The following CEP78 variants were observed in gnomAD, a reference collection of about 807,000 sequenced individuals.
CEP78 encodes the protein centrosomal protein of 78 kDa.
In CEP78, 76 loss-of-function variants were observed where a neutral mutation model predicts 81.2. The observed-to-expected ratio is 0.94, with a 90% CI of 0.78 to 1.13. The LOEUF (loss-of-function observed/expected upper bound fraction) is 1.13, where lower values mean the gene tolerates loss of function less well. Ranked by LOEUF, CEP78 falls within the 50% of genes most tolerant of loss-of-function variation. The pLI is 0.00. For synonymous variants in CEP78, 293 were observed against 301.4 expected (o/e 0.97, Z 0.29); for missense variants, 918 against 846.8 (o/e 1.08, Z -1.04).
rs1826618811 is a variant in CEP78 at position 78,248,780 on chromosome 9, C to G, written c.976C>G (p.Pro326Ala). 2 of 1,579,670 alleles carry G rather than the reference C, an allele frequency of 1.3e-6. No homozygotes were observed. The highest frequency in any genetic ancestry group is 1.8e-5 in the Admixed American group (1 of 55,212). ...CTTTTAGTACCAGTGGATAACTTCT[C>G]CATCAGTGAAGGAACCATCCAAAAC... The part of the protein sequence containing the change: ...AKSEYQWITS[P>A]SVKEPSKTAK... Residue 326 changes from proline (P) to alanine (A), a missense_variant, in exon 8 of 17, where the codon CCA becomes GCA. By Grantham distance (27) the Pro-to-Ala change is conservative. Coordinates refer to ENST00000643273, the MANE Select transcript of CEP78 (RefSeq NM_001330691.3).
chr9:78,252,032 A>G lies in CEP78; in HGVS notation c.1194A>G (p.Ala398=), dbSNP rs138501486. ...GFLPWRTAER[A]KRHRGFPLIK... is the part of the protein sequence containing the mutation. ...TGCCGTGGCGTACTGCAGAACGTGC[A>G]AAAAGACACAGGTAGGGTATTTTTA... The change falls in exon 9 of 17, where the codon GCA becomes GCG. Residue 398 remains alanine, a synonymous_variant. Transcript: ENST00000643273. The G allele has an allele frequency of 1.2e-3, 1,967 of 1,591,528 alleles. 3 individuals are homozygous for G. The highest frequency in any genetic ancestry group is 1.4e-3 in the Non-Finnish European group (1,663 of 1,163,804).
In CEP78 at chr9:78,256,623, T is replaced by C. The variant is rs145630345; in HGVS notation, c.1380+1659T>C. 8.7e-3 allele frequency among the ~76,000 whole-genome samples: 1,280 copies of C among 147,346 alleles called. 15 individuals carry two copies. The highest frequency in any genetic ancestry group is 0.03 in the African/African-American group (1,209 of 39,866). On this transcript the variant is annotated intron_variant, in intron 11 of 16. Coordinates refer to ENST00000643273, the MANE Select transcript of CEP78 (RefSeq NM_001330691.3). ...TCTCGGCTCACTGCAAGCTCCGCCT[T>C]CCGGGTTCACGCCATTCTCCTGCCT...
chr9:78,239,891 A>G lies in CEP78; in HGVS notation c.254-132A>G, dbSNP rs375169937. ...AGTTTGGTATATCCCATGTGGCTTG[A>G]GTTTACATGTGTCTGTGCTTAAGAG... On this transcript the variant is annotated intron_variant, in intron 1 of 16. Transcript: ENST00000643273. 16 of 682,034 alleles carry G rather than the reference A, an allele frequency of 2.3e-5. 1 individual carries two copies. The highest frequency in any genetic ancestry group is 1.5e-4 in the African/African-American group (8 of 53,924). 42.2% of individuals were successfully genotyped at this position (682,034 alleles called of 1,614,324 possible).
chr9:78,268,820 C>T (rs1236391495), intron 16 of CEP78, among the ~76,000 whole-genome samples: 1 of 151,868 alleles, frequency 6.6e-6, no homozygotes, highest in Non-Finnish European at 1.5e-5. Flanking sequence ...CCATGCCCTG[C>T]TAATTTTTTG....
chr9:78,256,542 T>A (rs1275649914), intron 11 of CEP78, among the ~76,000 whole-genome samples: 1 of 143,798 alleles, frequency 7.0e-6, no homozygotes, highest in African/African-American at 2.6e-5. Context: ...TTTTTTTTTT[T>A]TTTTTTTTGA....
chr9:78,255,821 A>T (rs1175719623), intron 11 of CEP78, among the ~76,000 whole-genome samples: 1 of 152,222 alleles, frequency 6.6e-6, no homozygotes, highest in African/African-American at 2.4e-5. Context: ...GAAAAACAAA[A>T]TCCTAGAATG....
At chr9:78,268,477 A>AT (rs1039204816) in intron 16 of CEP78, among the ~76,000 whole-genome samples, 1 of 152,180 alleles carries the variant, frequency 6.6e-6, no homozygotes, top group African/African-American at 2.4e-5. Flanking sequence ...TGGAAGTTAT[A>AT]TGCTCAGGCT....
rs1194312432 is a variant in CEP78 at position 78,266,486 on chromosome 9, C to T, written c.1890C>T (p.Asp630=). The change falls in exon 16 of 17, where the codon GAC becomes GAT. Residue 630 remains aspartate (D), a synonymous_variant. Transcript: ENST00000643273. ...ATGCTAGAATTCCTTTGCCTCTCGA[C>T]TCCTTTCCTGTCCCAGTTTCTACTC... ...TGDARIPLPL[D]SFPVPVSTPE... The T allele has an allele frequency of 1.2e-6, 2 of 1,613,238 alleles. No homozygotes were observed.
chr9:78,240,023 G>C lies in CEP78; in HGVS notation c.254G>C (p.Gly85Ala). Residue 85 changes from glycine (G) to alanine (A), a missense_variant and splice_region_variant, in exon 2 of 17, where the codon GGT becomes GCT. Physicochemically the swap from Gly to Ala is moderately conservative, Grantham distance 60. Coordinates refer to ENST00000643273, the MANE Select transcript of CEP78 (RefSeq NM_001330691.3). ...TAACTTTCTTTTATCTTTGTTTTAGGTTCTGACATGAATAAATTTTGCAGA... is the reference window on the plus strand; with the variant it reads ...TAACTTTCTTTTATCTTTGTTTTAGCTTCTGACATGAATAAATTTTGCAGA... Reference protein sequence around the residue: ...SFFQPWLGDTGSDMNKFCRSR... With the variant: ...SFFQPWLGDTASDMNKFCRSR... 2 of 1,566,212 alleles carry C rather than the reference G, an allele frequency of 1.3e-6. No homozygotes were observed. The highest frequency in any genetic ancestry group is 1.7e-6 in the Non-Finnish European group (2 of 1,164,322).
intron 12 of CEP78, 59 bp from the exon 13 acceptor site, chr9:78,264,091 A>G: frequency 8.3e-7 from 1 of 1,211,222 alleles, no homozygotes. Context: ...GTTTCATAAA[A>G]ACTATTTTGG....
rs555443378 is a variant in CEP78, at chr9:78,278,288, T to C, written c.*7437T>C. The C allele has an allele frequency of 5.9e-4, 89 of 151,942 alleles. No homozygotes were observed. Among genetic ancestry groups the C allele is most frequent in the African/African-American group, 1.9e-3 (80 of 41,200 alleles). 9.4% of individuals were successfully genotyped at this position (151,942 alleles called of 1,614,324 possible). On this transcript the variant is annotated 3_prime_UTR_variant, in exon 17 of 17. Transcript: ENST00000643273. ...AAAAATGTGTCTGACCTATTATCAATGTGAATGAAAATGAGCTTTGCTACA... is the reference window on the plus strand; with the variant it reads ...AAAAATGTGTCTGACCTATTATCAACGTGAATGAAAATGAGCTTTGCTACA...
chr9:78,240,735 C>G (rs527428100), intron 3 of CEP78, among the ~76,000 whole-genome samples: 2 of 151,982 alleles, frequency 1.3e-5, no homozygotes. Flanking sequence ...CCGACGTGGG[C>G]GGATCATGAG....
intron 11 of CEP78, among the ~76,000 whole-genome samples, chr9:78,256,988 A>G (rs1827064134): frequency 6.6e-6 from 1 of 152,150 alleles, no homozygotes; most frequent in Non-Finnish European, 1.5e-5. Flanking sequence ...ATAGAACAGA[A>G]AGGCAGGAAT....
In CEP78 at chr9:78,264,276, C is replaced by T. The variant is rs748298025; in HGVS notation, c.1585C>T (p.Gln529Ter). 1 of 1,612,988 alleles carries T rather than the reference C, an allele frequency of 6.2e-7. No individual in the cohort carries two copies. The highest frequency in any genetic ancestry group is 1.7e-5 in the Admixed American group (1 of 59,930). ...GVLGSIENSFQKFHAFLDLLK... is the reference protein window; with the variant it reads ...GVLGSIENSF ...TTTGGGCAGCATTGAGAATTCTTTT[C>T]AGAAGTTTCATGCTTTCTTGGATCT... Residue 529 changes from glutamine to a stop codon, truncating the protein, a stop_gained, in exon 13 of 17, where the codon CAG (glutamine) becomes TAG (stop). Transcript: ENST00000643273. LOFTEE classifies it high-confidence loss of function.
At chr9:78,251,433 C>T (rs1221031984) in intron 8 of CEP78, among the ~76,000 whole-genome samples, 1 of 151,976 alleles carries the variant, frequency 6.6e-6, no homozygotes, top group African/African-American at 2.4e-5. Context: ...AATTTTTTTC[C>T]AATTCAGAAG....
Position 78,243,535 on chromosome 9 carries a change from T to C in CEP78, c.677T>C (p.Met226Thr). The C allele has an allele frequency of 6.2e-7, 1 of 1,613,940 alleles. No homozygotes were observed. Among genetic ancestry groups the C allele is most frequent in the Middle Eastern group, 1.7e-4 (1 of 6,060 alleles). The change falls in exon 5 of 17, where the codon ATG (methionine) becomes ACG (threonine). Residue 226 changes from methionine to threonine, a missense_variant. Physicochemically the swap from Met to Thr is moderately conservative, Grantham distance 81. Transcript: ENST00000643273. ...TATAGGAGACCTGATCTTGACTGTA[T>C]GGCTGGCTTAAGACGTATCACACTG... is the stretch of plus-strand genomic sequence containing the variant. Reference protein sequence around the residue: ...LRYRRPDLDCMAGLRRITLNC... With the variant: ...LRYRRPDLDCTAGLRRITLNC...
At position 78,247,540 on chromosome 9, in the gene CEP78, G is replaced by A. The variant is rs73653048; in HGVS notation, c.893-751G>A. Among the ~76,000 whole-genome samples the A allele has an allele frequency of 9.6e-3, 1,467 of 152,326 alleles. 20 individuals are homozygous for A. Among genetic ancestry groups the A allele is most frequent in the African/African-American group, 0.034 (1,400 of 41,578 alleles). On this transcript the variant is annotated intron_variant, in intron 6 of 16. Coordinates refer to ENST00000643273, the MANE Select transcript of CEP78 (RefSeq NM_001330691.3). ...GACAACTAGCCAGGGGCCTGATCTT[G>A]TAAGGTTTGAAGGTCACGGTAAGGA... is the stretch of plus-strand genomic sequence containing the variant.
At chr9:78,248,545 G>A (rs961501938) in intron 7 of CEP78, among the ~76,000 whole-genome samples, 190 bp downstream of exon 7, 1 of 152,106 alleles carries the variant, frequency 6.6e-6, no homozygotes, top group Non-Finnish European at 1.5e-5. Context: ...TTAATAAAAT[G>A]AAACTATTAA....
intron 11 of CEP78, among the ~76,000 whole-genome samples, chr9:78,256,796 A>G (rs578009499): frequency 5.6e-4 from 86 of 152,318 alleles, no homozygotes; most frequent in African/African-American, 1.9e-3. Context: ...AAAATACTTT[A>G]AGAAAAAAAC....
Sources: allele counts gnomAD v4.1 joint callset (sites outside exome capture counted in the v4.1 genomes callset), GRCh38; gene constraint gnomAD v4.1.1; transcripts MANE v1.5; gene names NCBI Gene and HGNC (gene_info 2026-07-23, HGNC 2026-07-21).